Variants in NEK2 observed in about 807,000 individuals in gnomAD.
NEK2 encodes NIMA related kinase 2.
A neutral mutation model predicts 54.1 loss-of-function variants in NEK2; 28 were observed. That is an observed-to-expected ratio of 0.52 (90% CI 0.38 to 0.71). The LOEUF is 0.71. Ranked by LOEUF, NEK2 falls within the 30% of genes least tolerant of loss-of-function variation. The probability of loss-of-function intolerance (pLI) is 0.00; values close to 1 mark genes in which losing one functional copy is unlikely to be tolerated. For synonymous variants in NEK2, 176 were observed against 193.1 expected (o/e 0.91, Z 0.73); for missense variants, 407 against 531.5 (o/e 0.77, Z 2.30).
At chr1:211,671,061 T>C (rs1655369632) in intron 4 of NEK2, 141 bp downstream of exon 4, 9 of 652,472 alleles carry the variant, frequency 1.4e-5, no homozygotes, top group Non-Finnish European at 2.2e-5. Context: ...TGTTCATCTA[T>C]CTACCTTAAT....
chr1:211,674,187 CCAAA>C lies in NEK2; in HGVS notation c.314+105_314+108del, dbSNP rs558688060. ...AATTTTCTAAAGTACTGTGGACCTA[CCAAA>C]CAAATACAAATACACTCTTCCATAT... On this transcript the variant is annotated intron_variant, in intron 2 of 7. Transcript: ENST00000366999. 6.5e-4 allele frequency: 583 copies of C among 893,710 alleles called. 1 individual carries two copies. Among genetic ancestry groups the C allele is most frequent in the Middle Eastern group, 1.5e-3 (6 of 3,896 alleles). The allele number at this position is 893,710 out of a possible 1,614,324, so 55.4% of individuals were successfully genotyped here.
At chr1:211,660,931 G>T, downstream of NEK2, 1 of 742,812 alleles carries the variant, frequency 1.3e-6, no homozygotes. Context: ...GGTGAGGGAT[G>T]AATCCGTGAT....
At chr1:211,672,502 T>C (rs1232275636) in intron 3 of NEK2, among the ~76,000 whole-genome samples, 4 of 152,138 alleles carry the variant, frequency 2.6e-5, no homozygotes, top group Admixed American at 6.5e-5. Context: ...AAAGTTAACA[T>C]TGTAAAAACA....
intron 3 of NEK2, 39 bp from the exon 4 acceptor site, chr1:211,671,323 A>G (rs751846515): frequency 6.8e-7 from 1 of 1,470,722 alleles, no homozygotes; most frequent in East Asian, 2.3e-5. Flanking sequence ...GAAGGTGTTA[A>G]GAGTTTATTT....
chr1:211,663,707 T>A, intron 7 of NEK2, 55 bp from the exon 8 acceptor site: 1 of 1,504,700 alleles, frequency 6.6e-7, no homozygotes, highest in Non-Finnish European at 9.1e-7. Flanking sequence ...GTTCAACTCC[T>A]TCATACTTAT....
chr1:211,674,578 C>A, intron 1 of NEK2, 65 bp from the exon 2 acceptor site: 2 of 1,188,370 alleles, frequency 1.7e-6, no homozygotes, highest in Non-Finnish European at 2.4e-6. Context: ...ATGAAAGTTC[C>A]AAGATTTAAC....
downstream of NEK2, chr1:211,658,624 G>A (rs1336729557): frequency 2.3e-6 from 1 of 443,454 alleles, no homozygotes; most frequent in Admixed American, 2.5e-5. Flanking sequence ...GGAGGCTGAA[G>A]TGGGAGGATT....
chr1:211,674,573 A>G, intron 1 of NEK2, 60 bp from the exon 2 acceptor site: 6 of 1,300,628 alleles, frequency 4.6e-6, no homozygotes, highest in Non-Finnish European at 6.4e-6. Context: ...AAAGAATGAA[A>G]GTTCCAAGAT....
intron 7 of NEK2, chr1:211,666,811 A>T (rs1361544119): frequency 7.9e-6 from 7 of 883,828 alleles, no homozygotes; most frequent in Non-Finnish European, 8.3e-6. Flanking sequence ...AAAAAATAAA[A>T]AAATAAATAA....
At chr1:211,671,914 C>CT (rs1315958171) in intron 3 of NEK2, among the ~76,000 whole-genome samples, 3 of 152,184 alleles carry the variant, frequency 2.0e-5, no homozygotes, top group African/African-American at 7.2e-5. Flanking sequence ...CTGAACCACT[C>CT]TAATTACAAG....
intron 6 of NEK2, 85 bp from the exon 7 acceptor site, chr1:211,667,316 A>G: frequency 7.6e-7 from 1 of 1,310,656 alleles, no homozygotes; most frequent in South Asian, 1.5e-5. Flanking sequence ...TCTTATCACT[A>G]CTAGCATGCC....
intron 3 of NEK2, among the ~76,000 whole-genome samples, 192 bp downstream of exon 3, chr1:211,673,290 TC>T (rs1159856413): frequency 6.6e-6 from 1 of 152,034 alleles, no homozygotes; most frequent in Non-Finnish European, 1.5e-5. Flanking sequence ...GCACCTGTAG[TC>T]CCAGCTACTC....
intron 3 of NEK2, 44 bp from the exon 4 acceptor site, chr1:211,671,328 T>C (rs887462041): frequency 4.2e-6 from 6 of 1,441,226 alleles, no homozygotes; most frequent in Non-Finnish European, 5.8e-6. Flanking sequence ...TGTTAAGAGT[T>C]TATTTTGTTT....
At chr1:211,659,052 G>A (rs554364285), downstream of NEK2, among the ~76,000 whole-genome samples, 24 of 152,272 alleles carry the variant, frequency 1.6e-4, no homozygotes, top group South Asian at 2.1e-4. Flanking sequence ...CACAGTCAAT[G>A]CTGTGACAAT....
chr1:211,665,372 A>G (rs1464575288), intron 7 of NEK2, among the ~76,000 whole-genome samples: 3 of 152,248 alleles, frequency 2.0e-5, no homozygotes, highest in Non-Finnish European at 2.9e-5. Context: ...TGATTCACAT[A>G]TAAGTAGATT....
rs1326021284 is a variant in NEK2 at position 211,663,404 on chromosome 1, A to G, written c.*22T>C. 1 of 1,598,762 alleles carries G rather than the reference A, an allele frequency of 6.3e-7. No individual in the cohort carries two copies. The highest frequency in any genetic ancestry group is 1.1e-5 in the South Asian group (1 of 89,234). On this transcript the variant is annotated 3_prime_UTR_variant, in exon 8 of 8. Transcript: ENST00000366999. ...GTTGGTAATATTACATCCTGTACAC[A>G]GCTCTGTGTCTCTCTACCTGGCTAG...
rs1385946017 is a variant in NEK2, at chr1:211,663,610, T to A, written c.1154A>T (p.His385Leu). 1.9e-6 allele frequency: 3 copies of A among 1,613,834 alleles called. No homozygotes were observed. The South Asian group carries it at 3.3e-5, about 18-fold the overall frequency. Residue 385 changes from histidine (H) to leucine (L), a missense_variant, in exon 8 of 8, where the codon CAT becomes CTT. By Grantham distance (99) the His-to-Leu change is moderately conservative (BLOSUM62 -3). Coordinates refer to ENST00000366999, the MANE Select transcript of NEK2 (RefSeq NM_002497.4). ...GTTCTCTTTACTTTCCCCACTGAAATGAACTTTCTTCTTAATTACTGAGGA... is the reference window on the plus strand; with the variant it reads ...GTTCTCTTTACTTTCCCCACTGAAAAGAACTTTCTTCTTAATTACTGAGGA... ...LPSSVIKKKV[H>L]FSGESKENIM... is the part of the protein sequence containing the mutation.
At chr1:211,665,865 C>A (rs1384127493) in intron 7 of NEK2, among the ~76,000 whole-genome samples, 1 of 152,094 alleles carries the variant, frequency 6.6e-6, no homozygotes, top group Non-Finnish European at 1.5e-5. Context: ...AAAATGCTGC[C>A]AATGCTCACT....
Position 211,669,338 on chromosome 1 carries a change from G to A in NEK2, c.766-6C>T, listed in dbSNP as rs1398394063. 7.5e-6 allele frequency: 12 copies of A among 1,609,826 alleles called. No homozygotes were observed. The highest frequency in any genetic ancestry group is 1.0e-5 in the Non-Finnish European group (12 of 1,176,940). ...ACAGAAGGTCGATGGTAATCCTGGG[G>A]AAAAAATACTCAGTATTATAGTCAG... On this transcript the variant is annotated splice_polypyrimidine_tract_variant and splice_region_variant and intron_variant, in intron 5 of 7. Coordinates refer to ENST00000366999, the MANE Select transcript of NEK2 (RefSeq NM_002497.4).
Sources: gnomAD v4.1 joint callset for allele counts (sites outside exome capture counted in the v4.1 genomes callset) on GRCh38, gnomAD v4.1.1 for gene constraint, MANE v1.5 for transcripts, NCBI Gene and HGNC (gene_info 2026-07-23, HGNC 2026-07-21) for gene names.